The following FILIP1 variants were observed in gnomAD, a reference collection of about 807,000 sequenced individuals.
The protein encoded by FILIP1 is filamin A interacting protein 1, also known as filamin-A-interacting protein 1.
In FILIP1, 61 loss-of-function variants were observed where a neutral mutation model predicts 102.1. The observed-to-expected ratio is 0.60, with a 90% confidence interval of 0.49 to 0.74. The LOEUF is 0.74. Among genes scored for constraint, FILIP1 ranks in the 30% least tolerant of loss-of-function variants. The probability of loss-of-function intolerance (pLI) is 0.00; values close to 1 mark genes in which losing one functional copy is unlikely to be tolerated. For missense variants in FILIP1, 1,314 were observed against 1,441.2 expected, an observed-to-expected ratio of 0.91 and a Z score of 1.43; for synonymous variants, 491 against 526.9, an observed-to-expected ratio of 0.93 and a Z score of 0.93.
At chr6:75,433,701 C>G (rs1331539185) in intron 1 of FILIP1, among the ~76,000 whole-genome samples, 1 of 152,144 alleles carries the variant, frequency 6.6e-6, no homozygotes, top group Non-Finnish European at 1.5e-5. Context: ...AATTAGATAC[C>G]ATTTGTCAAT....
chr6:75,490,382 A>T (rs1779920726), intron 1 of FILIP1, among the ~76,000 whole-genome samples: 1 of 152,096 alleles, frequency 6.6e-6, no homozygotes, highest in Admixed American at 6.6e-5. Context: ...TCACTCAATA[A>T]GGCTACAGTT....
chr6:75,378,604 A>G (rs1466881728), intron 2 of FILIP1, among the ~76,000 whole-genome samples: 1 of 152,166 alleles, frequency 6.6e-6, no homozygotes, highest in East Asian at 1.9e-4. Context: ...AGGCTATGAG[A>G]AATGATGAGT....
At chr6:75,475,156 CTAACTT>C (rs1194992334) in intron 1 of FILIP1, among the ~76,000 whole-genome samples, 1 of 152,132 alleles carries the variant, frequency 6.6e-6, no homozygotes, top group Admixed American at 6.5e-5. Flanking sequence ...TAATTGATCT[CTAACTT>C]AAAGTGAGTA....
chr6:75,367,149 C>T (rs1318127880), intron 2 of FILIP1, among the ~76,000 whole-genome samples: 1 of 152,098 alleles, frequency 6.6e-6, no homozygotes, highest in African/African-American at 2.4e-5. Flanking sequence ...CCTTTCCTCC[C>T]CCGAAATACA....
intron 2 of FILIP1, among the ~76,000 whole-genome samples, chr6:75,388,535 T>C (rs1776175777): frequency 6.6e-6 from 1 of 152,226 alleles, no homozygotes; most frequent in South Asian, 2.1e-4. Context: ...TTCCATTTGT[T>C]TGTGTCCTCT....
chr6:75,478,635 G>C (rs1370377982), intron 1 of FILIP1, among the ~76,000 whole-genome samples: 1 of 152,116 alleles, frequency 6.6e-6, no homozygotes, highest in Non-Finnish European at 1.5e-5. Flanking sequence ...TGGTGTTCTG[G>C]ATTCTAGGAA....
chr6:75,321,064 T>C (rs1483137812), intron 4 of FILIP1, among the ~76,000 whole-genome samples: 1 of 152,134 alleles, frequency 6.6e-6, no homozygotes, highest in Non-Finnish European at 1.5e-5. Context: ...CCTCTTCTAC[T>C]TCCTCCTTCT....
intron 1 of FILIP1, among the ~76,000 whole-genome samples, chr6:75,485,593 C>T (rs1310805806): frequency 6.6e-6 from 1 of 152,154 alleles, no homozygotes; most frequent in Non-Finnish European, 1.5e-5. Context: ...TCTGCTCCAT[C>T]GAAGTTTTAT....
chr6:75,369,600 T>G (rs1230241621), intron 2 of FILIP1, among the ~76,000 whole-genome samples: 1 of 152,058 alleles, frequency 6.6e-6, no homozygotes, highest in Non-Finnish European at 1.5e-5. Flanking sequence ...AAAAACATAA[T>G]GAGTAGGAAA....
chr6:75,434,621 T>C (rs560376468), intron 1 of FILIP1, among the ~76,000 whole-genome samples: 1 of 152,354 alleles, frequency 6.6e-6, no homozygotes, highest in Non-Finnish European at 1.5e-5. Context: ...TATACAATCA[T>C]GTCATGTGCA....
intron 4 of FILIP1, among the ~76,000 whole-genome samples, chr6:75,320,424 A>G (rs1369343634): frequency 1.3e-5 from 2 of 152,036 alleles, no homozygotes; most frequent in African/African-American, 4.8e-5. Flanking sequence ...CAAAAAAACA[A>G]AAATTAGCTG....
intron 4 of FILIP1, among the ~76,000 whole-genome samples, chr6:75,336,620 T>C (rs1275225492): frequency 6.6e-6 from 1 of 152,134 alleles, no homozygotes; most frequent in African/African-American, 2.4e-5. Context: ...TGGGGAGGCA[T>C]TGCTTATGTT....
In FILIP1 at chr6:75,313,725, C is replaced by T; in HGVS notation, c.2107G>A (p.Glu703Lys). Residue 703 changes from glutamate to lysine, a missense_variant, in exon 5 of 6, where the codon GAA becomes AAA. Glu to Lys is a moderately conservative substitution (Grantham distance 56, BLOSUM62 1). Transcript: ENST00000237172. This position sits in a 1 kb window ranked among gnomAD's most constrained non-coding sequence, Gnocchi z 4.2. Reference protein sequence around the residue: ...AIEKGEVVSQEAELRHRFRLE... With the variant: ...AIEKGEVVSQKAELRHRFRLE... ...CGAAATCTGTGTCTCAGTTCAGCTT[C>T]CTGGCTCACAACCTCACCCTTCTCT... is the stretch of plus-strand genomic sequence containing the variant. 2.6e-6 allele frequency: 4 copies of T among 1,567,912 alleles called. No individual in the cohort carries two copies. The highest frequency in any genetic ancestry group is 3.4e-6 in the Non-Finnish European group (4 of 1,162,052).
At chr6:75,489,129 A>G (rs1779882547) in intron 1 of FILIP1, among the ~76,000 whole-genome samples, 1 of 152,112 alleles carries the variant, frequency 6.6e-6, no homozygotes, top group South Asian at 2.1e-4. Flanking sequence ...GTCGGCTGTA[A>G]AACAGACACC....
chr6:75,313,447 C>T lies in FILIP1; in HGVS notation c.2385G>A (p.Met795Ile). 6.2e-7 allele frequency: 1 copy of T among 1,614,224 alleles called. No individual in the cohort carries two copies. The highest frequency in any genetic ancestry group is 8.5e-7 in the Non-Finnish European group (1 of 1,180,036). ...ALRPSVNGRR[M>I]VDVPVTSTGV... ...CAGTTGACGTCACAGGAACATCCAC[C>T]ATTCTTCTTCCATTCACACTGGGCC... Residue 795 changes from methionine (M) to isoleucine (I), a missense_variant, in exon 5 of 6, where the codon ATG (methionine) becomes ATA (isoleucine). By Grantham distance (10) the Met-to-Ile change is conservative. Around this residue, in one of 3 missense-constraint regions of FILIP1, gnomAD observed 816 missense variants for 913.1 expected, o/e 0.89. Coordinates refer to ENST00000237172, the MANE Select transcript of FILIP1 (RefSeq NM_015687.5). This position sits in a 1 kb window ranked among gnomAD's most constrained non-coding sequence, Gnocchi z 4.2.
chr6:75,450,517 C>A (rs1470737123), intron 1 of FILIP1, among the ~76,000 whole-genome samples: 1 of 151,834 alleles, frequency 6.6e-6, no homozygotes, highest in African/African-American at 2.4e-5. Flanking sequence ...GATGTGGTGG[C>A]ATGTGCCTGT....
chr6:75,372,613 AAG>A (rs1775561069), intron 2 of FILIP1, among the ~76,000 whole-genome samples: 3 of 124,486 alleles, frequency 2.4e-5, no homozygotes, highest in Non-Finnish European at 3.3e-5. Context: ...AAAAGAAAGA[AAG>A]AAAGAAAAAG....
chr6:75,409,557 C>A (rs751891108), intron 2 of FILIP1, among the ~76,000 whole-genome samples: 3 of 152,042 alleles, frequency 2.0e-5, no homozygotes, highest in Non-Finnish European at 4.4e-5. Flanking sequence ...AAAACTAACC[C>A]CTTCCTTGCT....
intron 4 of FILIP1, among the ~76,000 whole-genome samples, chr6:75,317,540 TC>T (rs1773485265): frequency 6.6e-6 from 1 of 152,166 alleles, no homozygotes; most frequent in Admixed American, 6.5e-5. Context: ...CATTATCCTG[TC>T]TTTGATAGTA....
Sources: allele counts gnomAD v4.1 joint callset (sites outside exome capture counted in the v4.1 genomes callset), GRCh38; gene constraint gnomAD v4.1.1; regional missense constraint gnomAD v4.1.1; non-coding constraint Gnocchi (gnomAD v3.1); transcripts MANE v1.5; gene names NCBI Gene and HGNC (gene_info 2026-07-23, HGNC 2026-07-21).